The following DEXI variants were observed in gnomAD, a reference collection of about 807,000 sequenced individuals.
DEXI encodes the protein Dexi homolog.
Under a neutral mutation model 2.5 loss-of-function variants are expected in DEXI, and 2 were observed. The observed-to-expected ratio is 0.81, with a 90% CI of 0.33 to 2.55. The LOEUF (loss-of-function observed/expected upper bound fraction) is 2.55. Among genes scored for constraint, DEXI ranks in the 30% most tolerant of loss-of-function variants. The pLI is 0.11. For missense variants in DEXI, 108 were observed against 130.3 expected, an observed-to-expected ratio of 0.83 and a Z score of 0.83; for synonymous variants, 71 against 68.7, an observed-to-expected ratio of 1.03 and a Z score of -0.17.
Position 10,934,556 on chromosome 16 carries a change from G to C in DEXI, c.*150-4997C>G, listed in dbSNP as rs1040469705. 1.3e-5 allele frequency: 2 copies of C among 152,250 alleles called. No homozygotes were observed. Among genetic ancestry groups the C allele is most frequent in the Non-Finnish European group, 2.9e-5 (2 of 68,080 alleles). 9.4% of individuals were successfully genotyped at this position (152,250 alleles called of 1,614,324 possible). A position where few individuals can be genotyped will look rare whatever the true frequency, so the allele number is the denominator to read the frequency against. On this transcript the variant is annotated intron_variant, in intron 1 of 1. Transcript: ENST00000331808. The surrounding 1 kb of genome is among the most constrained non-coding windows in gnomAD (Gnocchi z 4.2). The stretch of plus-strand genomic sequence containing the variant: ...TCACTGGGGGAAACATCAGGACAGC[G>C]TGGCCAGGAGCCCAATGCTGCCACC...
Position 10,941,550 on chromosome 16 carries a change from G to C in DEXI, c.*149+19C>G. 5.5e-6 allele frequency: 8 copies of C among 1,441,716 alleles called. No homozygotes were observed. Among genetic ancestry groups the C allele is most frequent in the Non-Finnish European group, 6.4e-6 (7 of 1,095,486 alleles). The allele number at this position is 1,441,716 out of a possible 1,614,324, so 89.3% of individuals were successfully genotyped here. On this transcript the variant is annotated intron_variant, in intron 1 of 1. Coordinates refer to ENST00000331808, the MANE Select transcript of DEXI (RefSeq NM_014015.4). This position sits in a 1 kb window ranked among gnomAD's most constrained non-coding sequence, Gnocchi z 6.4. ...TAGCGCCCCAACCCGCCCTCATCCT[G>C]TTCAGAGAGGGCACTTACAGGCCTC...
Position 10,941,523 on chromosome 16 carries a change from G to A in DEXI, c.*149+46C>T. On this transcript the variant is annotated intron_variant, in intron 1 of 1. Coordinates refer to ENST00000331808, the MANE Select transcript of DEXI (RefSeq NM_014015.4). This position sits in a 1 kb window ranked among gnomAD's most constrained non-coding sequence, Gnocchi z 6.4. ...GCCTGGGAATTCCTCCCTCTCCCTTGCTAGCGCCCCAACCCGCCCTCATCC... is the reference window on the plus strand; with the variant it reads ...GCCTGGGAATTCCTCCCTCTCCCTTACTAGCGCCCCAACCCGCCCTCATCC... 7.2e-6 allele frequency: 10 copies of A among 1,398,436 alleles called. No homozygotes were observed. Among genetic ancestry groups the A allele is most frequent in the Non-Finnish European group, 9.3e-6 (10 of 1,073,258 alleles). The allele number at this position is 1,398,436 out of a possible 1,614,324, so 86.6% of individuals were successfully genotyped here. A position where few individuals can be genotyped will look rare whatever the true frequency, so the allele number is the denominator to read the frequency against.
In DEXI at chr16:10,941,670, G is replaced by T. The variant is rs1468359820; in HGVS notation, c.*48C>A. On this transcript the variant is annotated 3_prime_UTR_variant, in exon 1 of 2. Coordinates refer to ENST00000331808, the MANE Select transcript of DEXI (RefSeq NM_014015.4). The surrounding 1 kb of genome is among the most constrained non-coding windows in gnomAD (Gnocchi z 6.4). Reference sequence around the variant, plus strand: ...GCATGATCTGGGCGGCTGGTCCAGGGCATGGGTTGCGGATCGTGTAGGGAA... The same window carrying T: ...GCATGATCTGGGCGGCTGGTCCAGGTCATGGGTTGCGGATCGTGTAGGGAA... 4 of 1,559,856 alleles carry T rather than the reference G, an allele frequency of 2.6e-6. No homozygotes were observed. The highest frequency in any genetic ancestry group is 1.8e-5 in the Admixed American group (1 of 56,360).
At chr16:10,930,120 C>T (rs575634504) in intron 1 of DEXI, 1 of 152,578 alleles carries the variant, frequency 6.6e-6, no homozygotes, top group African/African-American at 2.4e-5. Flanking sequence ...ACTGCCTTCT[C>T]TGTGTGCCTA....
chr16:10,929,309 T>G lies in DEXI; in HGVS notation c.*400A>C, dbSNP rs1185531627. ...TGGGGGAAGCAGGTGCGCTCCGGGATGAAGTGCAGGGAGGCAAACTCTGGC... is the reference window on the plus strand; with the variant it reads ...TGGGGGAAGCAGGTGCGCTCCGGGAGGAAGTGCAGGGAGGCAAACTCTGGC... On this transcript the variant is annotated 3_prime_UTR_variant, in exon 2 of 2. Coordinates refer to ENST00000331808, the MANE Select transcript of DEXI (RefSeq NM_014015.4). The surrounding 1 kb of genome is among the most constrained non-coding windows in gnomAD (Gnocchi z 4.3). The G allele has an allele frequency of 1.0e-6, 1 of 985,788 alleles. No individual in the cohort carries two copies. The highest frequency in any genetic ancestry group is 1.2e-6 in the Non-Finnish European group (1 of 829,982). 61.1% of individuals were successfully genotyped at this position (985,788 alleles called of 1,614,324 possible).
chr16:10,936,573 TGTAA>T (rs1273770802), intron 1 of DEXI: 9 of 152,268 alleles, frequency 5.9e-5, no homozygotes, highest in African/African-American at 1.9e-4. Flanking sequence ...GCAACTTTTC[TGTAA>T]GTGTGAAATT....
intron 1 of DEXI, chr16:10,930,901 AC>A (rs1454599965): frequency 6.6e-6 from 1 of 152,344 alleles, no homozygotes; most frequent in African/African-American, 2.4e-5. Context: ...CTCCTGAGAC[AC>A]CTGCTGGCCA....
intron 1 of DEXI, chr16:10,933,843 C>T (rs951061219): frequency 1.3e-5 from 2 of 152,384 alleles, no homozygotes; most frequent in African/African-American, 2.4e-5. Context: ...CCCCTACTCA[C>T]GCAGCCATTC....
rs1444304543 is a variant in DEXI, at chr16:10,941,535, A to G, written c.*149+34T>C. ...CTCCCTCTCCCTTGCTAGCGCCCCAACCCGCCCTCATCCTGTTCAGAGAGG... is the reference window on the plus strand; with the variant it reads ...CTCCCTCTCCCTTGCTAGCGCCCCAGCCCGCCCTCATCCTGTTCAGAGAGG... On this transcript the variant is annotated intron_variant, in intron 1 of 1. Coordinates refer to ENST00000331808, the MANE Select transcript of DEXI (RefSeq NM_014015.4). The surrounding 1 kb of genome is among the most constrained non-coding windows in gnomAD (Gnocchi z 6.4). 2 of 1,410,818 alleles carry G rather than the reference A, an allele frequency of 1.4e-6. No homozygotes were observed. The highest frequency in any genetic ancestry group is 1.9e-6 in the Non-Finnish European group (2 of 1,079,478). 87.4% of individuals were successfully genotyped at this position (1,410,818 alleles called of 1,614,324 possible). A position where few individuals can be genotyped will look rare whatever the true frequency, so the allele number is the denominator to read the frequency against.
intron 1 of DEXI, chr16:10,935,431 G>T (rs2040986943): frequency 6.6e-6 from 1 of 152,190 alleles, no homozygotes; most frequent in South Asian, 2.1e-4. Flanking sequence ...TTGGTATTTG[G>T]CCAAAAGTTA....
At position 10,942,081 on chromosome 16, in the gene DEXI, G is replaced by A. The variant is rs2041110492; in HGVS notation, c.-76C>T. On this transcript the variant is annotated 5_prime_UTR_variant, in exon 1 of 2. Transcript: ENST00000331808. The surrounding 1 kb of genome is among the most constrained non-coding windows in gnomAD (Gnocchi z 5.0). ...TGCGGCGCCCGGGCGGCCGGCGAGG[G>A]CACAGCGCAGCCATCCAGGGGTACC... The A allele has an allele frequency of 2.5e-6, 3 of 1,217,622 alleles. No homozygotes were observed. Among genetic ancestry groups the A allele is most frequent in the East Asian group, 6.6e-5 (2 of 30,130 alleles). The allele number at this position is 1,217,622 out of a possible 1,614,324, so 75.4% of individuals were successfully genotyped here.
rs2041108660 is a variant in DEXI at position 10,941,955 on chromosome 16, G to C, written c.51C>G (p.Val17=). ...AAHLDALGPL[V]PYVPPPLLPS... is the part of the protein sequence containing the mutation. The stretch of plus-strand genomic sequence containing the variant: ...GCAGCAGCGGCGGCGGCACGTAGGG[G>C]ACCAGGGGGCCCAGTGCGTCCAGGT... Residue 17 remains valine (V), a synonymous_variant, in exon 1 of 2, where the codon GTC becomes GTG. Transcript: ENST00000331808. The surrounding 1 kb of genome is among the most constrained non-coding windows in gnomAD (Gnocchi z 6.4). 19 of 1,570,436 alleles carry C rather than the reference G, an allele frequency of 1.2e-5. No homozygotes were observed. The highest frequency in any genetic ancestry group is 1.6e-5 in the Non-Finnish European group (19 of 1,158,874).
chr16:10,939,246 C>T lies in DEXI; in HGVS notation c.*149+2323G>A, dbSNP rs1429034003. On this transcript the variant is annotated intron_variant, in intron 1 of 1. Transcript: ENST00000331808. This position sits in a 1 kb window ranked among gnomAD's most constrained non-coding sequence, Gnocchi z 4.9. ...ACTCCCCTCATCCAAGCCTCTGTCA[C>T]CTCTGGCCTGGACAACTAACAGCAT... is the stretch of plus-strand genomic sequence containing the variant. The T allele has an allele frequency of 1.3e-5, 2 of 152,302 alleles. No homozygotes were observed. Among genetic ancestry groups the T allele is most frequent in the Admixed American group, 1.3e-4 (2 of 15,292 alleles). 9.4% of individuals were successfully genotyped at this position (152,302 alleles called of 1,614,324 possible).
Position 10,941,489 on chromosome 16 carries a change from G to A in DEXI, c.*149+80C>T, listed in dbSNP as rs965435991. On this transcript the variant is annotated intron_variant, in intron 1 of 1. Coordinates refer to ENST00000331808, the MANE Select transcript of DEXI (RefSeq NM_014015.4). The surrounding 1 kb of genome is among the most constrained non-coding windows in gnomAD (Gnocchi z 6.4). ...CGGAGGAGAAGCCTGAGGGAGGGGT[G>A]TGTATCCGGCCTGGGAATTCCTCCC... 7.6e-7 allele frequency: 1 copy of A among 1,316,250 alleles called. No individual in the cohort carries two copies. The highest frequency in any genetic ancestry group is 9.8e-7 in the Non-Finnish European group (1 of 1,015,682). The allele number at this position is 1,316,250 out of a possible 1,614,324, so 81.5% of individuals were successfully genotyped here.
chr16:10,931,552 A>C (rs2040795455), intron 1 of DEXI: 1 of 152,176 alleles, frequency 6.6e-6, no homozygotes, highest in South Asian at 2.1e-4. Context: ...TTCTGGTAGT[A>C]ATATAGTTTT....
rs141420151 is a variant in DEXI at position 10,941,623 on chromosome 16, G to C, written c.*95C>G. On this transcript the variant is annotated 3_prime_UTR_variant, in exon 1 of 2. Transcript: ENST00000331808. The surrounding 1 kb of genome is among the most constrained non-coding windows in gnomAD (Gnocchi z 6.4). ...CTGGGGAACCATCCCCGTCCAGATGGTGCCCCCAACCAGCTGCGGCGGCAT... is the reference window on the plus strand; with the variant it reads ...CTGGGGAACCATCCCCGTCCAGATGCTGCCCCCAACCAGCTGCGGCGGCAT... The C allele has an allele frequency of 4.1e-4, 616 of 1,515,670 alleles. 3 individuals are homozygous for C. In the African/African-American group the frequency reaches 7.4e-3, roughly 18 times the overall value. 93.9% of individuals were successfully genotyped at this position (1,515,670 alleles called of 1,614,324 possible). A position where few individuals can be genotyped will look rare whatever the true frequency, so the allele number is the denominator to read the frequency against.
intron 1 of DEXI, chr16:10,932,903 A>G (rs1012064621): frequency 6.6e-6 from 1 of 152,062 alleles, no homozygotes; most frequent in Non-Finnish European, 1.5e-5. Flanking sequence ...TGGCCAGGCT[A>G]AAATCTCATA....
rs986873472 is a variant in DEXI, at chr16:10,934,263, T to C, written c.*150-4704A>G. ...CTTAGTATTTTAAACCAATGTACTT[T>C]TTAAACTCCAATTTTTTAATAAGAT... On this transcript the variant is annotated intron_variant, in intron 1 of 1. Transcript: ENST00000331808. The surrounding 1 kb of genome is among the most constrained non-coding windows in gnomAD (Gnocchi z 4.2). 1 of 152,208 alleles carries C rather than the reference T, an allele frequency of 6.6e-6. No homozygotes were observed. Among genetic ancestry groups the C allele is most frequent in the South Asian group, 2.1e-4 (1 of 4,836 alleles). The allele number at this position is 152,208 out of a possible 1,614,324, so 9.4% of individuals were successfully genotyped here.
At position 10,929,876 on chromosome 16, in the gene DEXI, C is replaced by T. The variant is rs1440605147; in HGVS notation, c.*150-317G>A. ...GGGAGGAGGGGGATGCTGGTGCAGC[C>T]TGCTCAGGAGTCACCCAGGGTCTGA... On this transcript the variant is annotated intron_variant, in intron 1 of 1. Transcript: ENST00000331808. The surrounding 1 kb of genome is among the most constrained non-coding windows in gnomAD (Gnocchi z 4.3). 6.6e-6 allele frequency: 1 copy of T among 152,466 alleles called. No individual in the cohort carries two copies. The highest frequency in any genetic ancestry group is 1.9e-4 in the East Asian group (1 of 5,194). 9.4% of individuals were successfully genotyped at this position (152,466 alleles called of 1,614,324 possible).
Sources: allele counts gnomAD v4.1 joint callset, GRCh38; gene constraint gnomAD v4.1.1; non-coding constraint Gnocchi (gnomAD v3.1); transcripts MANE v1.5; gene names NCBI Gene and HGNC (gene_info 2026-07-23, HGNC 2026-07-21).